Variants in ANKRD62 observed in about 807,000 individuals in gnomAD.
ANKRD62 encodes ankyrin repeat domain 62.
In ANKRD62, 61 loss-of-function variants were observed where a neutral mutation model predicts 98.8. The observed-to-expected ratio is 0.62, with a 90% CI of 0.50 to 0.76. The LOEUF is 0.76. ANKRD62 is among the 30% of genes least tolerant of loss of function. The pLI, the probability that ANKRD62 is intolerant of heterozygous loss-of-function variation, is 0.00. For synonymous variants in ANKRD62, 341 were observed against 367.9 expected (o/e 0.93, Z 0.84); for missense variants, 933 against 1,082.9 (o/e 0.86, Z 1.94).
At chr18:12,172,911 C>T in the ANKRD62 span, among the ~76,000 whole-genome samples, 3 of 152,210 alleles carry the variant, frequency 2.0e-5, no homozygotes, top group Admixed American at 2.0e-4. Context: ...CTGAGCCATG[C>T]ATGGGATATA....
At chr18:12,140,549 T>G in the ANKRD62 span, among the ~76,000 whole-genome samples, 4 of 151,738 alleles carry the variant, frequency 2.6e-5, no homozygotes, top group Non-Finnish European at 5.9e-5. Flanking sequence ...TTCTGTTTGT[T>G]AGTTTTCCTT....
chr18:12,122,333 C>G lies in ANKRD62; in HGVS notation c.1271C>G (p.Ala424Gly). ...DFVSLSKSKN[A>G]TAACGRSIED... ...GTTAGCCTATCGAAAAGCAAGAATG[C>G]AACAGCTGCATGTGGAAGATCAATA... The change falls in exon 11 of 14, where the codon GCA becomes GGA. Residue 424 changes from alanine to glycine, a missense_variant. Transcript: ENST00000587848. The G allele has an allele frequency of 2.0e-6, 3 of 1,535,084 alleles. No individual in the cohort carries two copies. The highest frequency in any genetic ancestry group is 2.6e-6 in the Non-Finnish European group (3 of 1,146,588).
chr18:12,137,375 G>T, the ANKRD62 span, among the ~76,000 whole-genome samples: 1 of 152,168 alleles, frequency 6.6e-6, no homozygotes, highest in Admixed American at 6.5e-5. Context: ...TGTTGAACCA[G>T]CCTTGCATCC....
intron 8 of ANKRD62, among the ~76,000 whole-genome samples, chr18:12,112,740 G>A (rs1909570461): frequency 2.0e-5 from 3 of 152,182 alleles, no homozygotes; most frequent in South Asian, 4.1e-4. Flanking sequence ...AGGAGCTTCT[G>A]CACAGCAAAA....
the ANKRD62 span, among the ~76,000 whole-genome samples, chr18:12,145,951 G>A: frequency 6.6e-6 from 1 of 152,126 alleles, no homozygotes; most frequent in African/African-American, 2.4e-5. Context: ...GGGGTCTCCA[G>A]CCACCCGCAC....
chr18:12,097,564 G>T, intron 4 of ANKRD62, 76 bp from the exon 5 acceptor site: 1 of 1,410,370 alleles, frequency 7.1e-7, no homozygotes, highest in South Asian at 1.5e-5. Context: ...ATATTAAATT[G>T]GTAAAGTTTA....
At chr18:12,178,414 A>G in the ANKRD62 span, among the ~76,000 whole-genome samples, 40,862 of 127,840 alleles carry the variant, frequency 0.32, 7,462 homozygotes, top group East Asian at 0.72. Flanking sequence ...TCAACGGGAA[A>G]CCATTGCAAA....
chr18:12,179,701 C>T, the ANKRD62 span, among the ~76,000 whole-genome samples: 2 of 149,144 alleles, frequency 1.3e-5, no homozygotes, highest in Non-Finnish European at 3.0e-5. Context: ...ACAACCTTTT[C>T]AAGCAGAAAG....
chr18:12,096,551 A>G (rs995705686), intron 4 of ANKRD62, among the ~76,000 whole-genome samples: 3 of 152,202 alleles, frequency 2.0e-5, no homozygotes, highest in Non-Finnish European at 4.4e-5. Flanking sequence ...TGATACTTTG[A>G]GTCATATGAT....
At chr18:12,102,431 T>C in intron 6 of ANKRD62, 1 of 487,690 alleles carries the variant, frequency 2.1e-6, no homozygotes, top group Non-Finnish European at 3.9e-6. Context: ...TCAGCCTCCT[T>C]GGGCACCGCG....
intron 12 of ANKRD62, among the ~76,000 whole-genome samples, chr18:12,125,104 G>A (rs1286243136): frequency 2.6e-5 from 4 of 152,180 alleles, no homozygotes; most frequent in Non-Finnish European, 4.4e-5. Flanking sequence ...TTAGATGTTA[G>A]TGTGTAAACC....
chr18:12,152,255 A>T, the ANKRD62 span, among the ~76,000 whole-genome samples: 1 of 151,096 alleles, frequency 6.6e-6, no homozygotes, highest in Non-Finnish European at 1.5e-5. Context: ...CATTCTCCTG[A>T]TACCGAAACC....
intron 6 of ANKRD62, chr18:12,102,617 C>A: frequency 6.8e-6 from 4 of 588,458 alleles, no homozygotes; most frequent in African/African-American, 2.0e-5. Context: ...GGGGAAAGAG[C>A]CAGAATCAGA....
chr18:12,096,572 G>A (rs575319508), intron 4 of ANKRD62, among the ~76,000 whole-genome samples: 1 of 152,264 alleles, frequency 6.6e-6, no homozygotes, highest in Non-Finnish European at 1.5e-5. Context: ...CTTAACTAAA[G>A]GGATGTCATA....
chr18:12,147,006 C>CA, the ANKRD62 span, among the ~76,000 whole-genome samples: 1 of 135,916 alleles, frequency 7.4e-6, no homozygotes, highest in Non-Finnish European at 1.6e-5. Flanking sequence ...AGCTGGTCTA[C>CA]AAAAACGAGG....
At chr18:12,134,546 C>T (rs1910051969), downstream of ANKRD62, among the ~76,000 whole-genome samples, 1 of 152,076 alleles carries the variant, frequency 6.6e-6, no homozygotes, top group African/African-American at 2.4e-5. Flanking sequence ...CATAACAGGC[C>T]CCAGTGTGTG....
chr18:12,115,119 A>G lies in ANKRD62; in HGVS notation c.1096A>G (p.Lys366Glu). ...AAGGAAAACCTCTAATGAAAAGAGC[A>G]AGGTATTATAAAAGTAAATTGTCAA... ...LARKTSNEKS[K>E]VKSQIYFTDD... The change falls in exon 9 of 14, where the codon AAG becomes GAG. Residue 366 changes from lysine to glutamate, a missense_variant and splice_region_variant. Transcript: ENST00000587848. The G allele has an allele frequency of 7.1e-7, 1 of 1,403,626 alleles. No homozygotes were observed. Among genetic ancestry groups the G allele is most frequent in the Non-Finnish European group, 9.2e-7 (1 of 1,085,936 alleles). 86.9% of individuals were successfully genotyped at this position (1,403,626 alleles called of 1,614,324 possible). A position where few individuals can be genotyped will look rare whatever the true frequency, so the allele number is the denominator to read the frequency against.
At chr18:12,156,657 C>T in the ANKRD62 span, among the ~76,000 whole-genome samples, 4 of 152,252 alleles carry the variant, frequency 2.6e-5, no homozygotes, top group East Asian at 1.9e-4. Flanking sequence ...AGATGCATCT[C>T]TTACTGTTGG....
At chr18:12,172,775 G>A in the ANKRD62 span, among the ~76,000 whole-genome samples, 5 of 152,254 alleles carry the variant, frequency 3.3e-5, no homozygotes, top group South Asian at 2.1e-4. Context: ...ACTTCCCAGC[G>A]GCTTTATTTA....
Sources: allele counts gnomAD v4.1 joint callset (sites outside exome capture counted in the v4.1 genomes callset), GRCh38; gene constraint gnomAD v4.1.1; transcripts MANE v1.5; gene names NCBI Gene and HGNC (gene_info 2026-07-23, HGNC 2026-07-21).